Variants in ANO3 observed in about 807,000 individuals in gnomAD.
The protein encoded by ANO3 is anoctamin-3.
ANO3 carries 99 observed loss-of-function variants against 144.8 expected under a neutral mutation model. That is an observed-to-expected ratio of 0.68 (90% CI 0.58 to 0.81). ANO3 has a LOEUF of 0.81. Ranked by LOEUF, ANO3 falls within the 30% of genes least tolerant of loss-of-function variation. The pLI is 0.00. For synonymous variants in ANO3, 414 were observed against 392.6 expected (o/e 1.05, Z -0.64); for missense variants, 905 against 1,202.2 (o/e 0.75, Z 3.66).
intron 1 of ANO3, among the ~76,000 whole-genome samples, chr11:26,397,884 G>C (rs1470542724): frequency 7.8e-6 from 1 of 128,858 alleles, no homozygotes; most frequent in Non-Finnish European, 1.7e-5. Context: ...AATTTTTTTT[G>C]TCCAATCTCT....
At chr11:26,538,131 G>A (rs1020402689) in intron 10 of ANO3, among the ~76,000 whole-genome samples, 33 of 152,144 alleles carry the variant, frequency 2.2e-4, no homozygotes, top group African/African-American at 7.5e-4. Flanking sequence ...AGTCTGGTAC[G>A]ACCAATAGTA....
At chr11:26,467,828 TC>T (rs1859653422) in intron 4 of ANO3, among the ~76,000 whole-genome samples, 1 of 151,918 alleles carries the variant, frequency 6.6e-6, no homozygotes, top group Non-Finnish European at 1.5e-5. Flanking sequence ...GGCTTTTTCA[TC>T]CCTATGTGGC....
chr11:26,283,771 T>C (rs1853738448), intron 1 of ANO3, among the ~76,000 whole-genome samples: 1 of 152,112 alleles, frequency 6.6e-6, no homozygotes, highest in Non-Finnish European at 1.5e-5. Context: ...TAAATTCTAA[T>C]GGAGGAGACA....
At chr11:26,280,036 G>A (rs759181195) in intron 1 of ANO3, among the ~76,000 whole-genome samples, 1 of 152,076 alleles carries the variant, frequency 6.6e-6, no homozygotes, top group Non-Finnish European at 1.5e-5. Context: ...GTTTTCAGGG[G>A]TTCTTATGCT....
intron 1 of ANO3, among the ~76,000 whole-genome samples, chr11:26,318,625 G>T (rs796112396): frequency 1.6e-4 from 24 of 152,310 alleles, no homozygotes; most frequent in African/African-American, 5.8e-4. Context: ...AAAGAAGTTT[G>T]GAAGAGACTT....
At chr11:26,245,854 G>T (rs531403169) in intron 1 of ANO3, among the ~76,000 whole-genome samples, 5 of 152,218 alleles carry the variant, frequency 3.3e-5, no homozygotes, top group Admixed American at 2.6e-4. Context: ...AACATACGAT[G>T]GCCTGTTGCA....
At chr11:26,221,650 G>A (rs908077159) in intron 1 of ANO3, among the ~76,000 whole-genome samples, 1 of 152,188 alleles carries the variant, frequency 6.6e-6, no homozygotes, top group African/African-American at 2.4e-5. Context: ...TGTACAAGAA[G>A]TATGGCATTG....
rs149650834 is a variant in ANO3 at position 26,318,605 on chromosome 11, T to C, written c.-3+8886T>C. Among the ~76,000 whole-genome samples, 4 of 152,322 alleles carry C rather than the reference T, an allele frequency of 2.6e-5. No homozygotes were observed. The East Asian group carries it at 5.8e-4, about 22-fold the overall frequency. Reference sequence around the variant, plus strand: ...CTATATAATTAAGTGCTAAATTATTTAGTAAGGATAAAGAAGTTTGGAAGA... The same window carrying C: ...CTATATAATTAAGTGCTAAATTATTCAGTAAGGATAAAGAAGTTTGGAAGA... On this transcript the variant is annotated intron_variant, in intron 1 of 26. Transcript: ENST00000525139.
chr11:26,457,283 T>C (rs1859203626), intron 3 of ANO3, among the ~76,000 whole-genome samples: 1 of 149,000 alleles, frequency 6.7e-6, no homozygotes, highest in South Asian at 2.1e-4. Flanking sequence ...CTAGAACTTA[T>C]AGTATAATAA....
intron 1 of ANO3, chr11:26,427,456 T>C (rs72886220): frequency 0.052 from 7,972 of 152,166 alleles, 247 homozygotes; most frequent in African/African-American, 0.081. Context: ...ATGGCCCAAG[T>C]TTCCCGCCAA....
chr11:26,485,978 A>G (rs1166126156), intron 4 of ANO3, among the ~76,000 whole-genome samples: 6 of 152,214 alleles, frequency 3.9e-5, no homozygotes. Flanking sequence ...TTTAAAAGGA[A>G]CTCAAACAAG....
At chr11:26,467,036 C>T (rs1311233488) in intron 4 of ANO3, among the ~76,000 whole-genome samples, 1 of 151,784 alleles carries the variant, frequency 6.6e-6, no homozygotes, top group Admixed American at 6.6e-5. Context: ...TTTAAAAACT[C>T]TATTTACAAA....
chr11:26,499,849 T>C (rs7944026), intron 4 of ANO3, among the ~76,000 whole-genome samples: 90,746 of 151,618 alleles, frequency 0.6, 27,852 homozygotes, highest in East Asian at 0.68. Flanking sequence ...TTAAAGTATT[T>C]GATTCAATAT....
chr11:26,287,240 C>G (rs1819637755), intron 1 of ANO3: 1 of 152,168 alleles, frequency 6.6e-6, no homozygotes, highest in South Asian at 2.1e-4. Flanking sequence ...ATATTTAATA[C>G]ACAATTAATA....
intron 1 of ANO3, among the ~76,000 whole-genome samples, chr11:26,200,949 T>A (rs962908439): frequency 2.0e-5 from 3 of 152,174 alleles, no homozygotes; most frequent in Admixed American, 2.0e-4. Context: ...ATTCTCAAAG[T>A]TTAATTTTTA....
intron 1 of ANO3, among the ~76,000 whole-genome samples, chr11:26,241,818 A>T (rs961883592): frequency 2.0e-5 from 3 of 152,148 alleles, no homozygotes; most frequent in African/African-American, 7.2e-5. Context: ...GTTATTCAGA[A>T]AGCAAGTAAT....
chr11:26,423,624 G>T (rs1449248425), intron 1 of ANO3, among the ~76,000 whole-genome samples: 6 of 151,980 alleles, frequency 3.9e-5, no homozygotes, highest in Admixed American at 6.6e-5. Flanking sequence ...ATTCATATGT[G>T]CCAAGCACAA....
intron 1 of ANO3, among the ~76,000 whole-genome samples, chr11:26,231,154 A>T (rs199992883): frequency 6.6e-5 from 10 of 152,152 alleles, no homozygotes; most frequent in Admixed American, 6.5e-4. Flanking sequence ...TGGGATTACA[A>T]GCGTGAGCCA....
At chr11:26,231,053 A>G (rs181237679) in intron 1 of ANO3, among the ~76,000 whole-genome samples, 120 of 151,506 alleles carry the variant, frequency 7.9e-4, no homozygotes, top group Middle Eastern at 3.4e-3. Context: ...TAATTTTTGT[A>G]TTTTTAGTAG....
Sources: gnomAD v4.1 joint callset for allele counts (sites outside exome capture counted in the v4.1 genomes callset) on GRCh38, gnomAD v4.1.1 for gene constraint, MANE v1.5 for transcripts, NCBI Gene and HGNC (gene_info 2026-07-23, HGNC 2026-07-21) for gene names.